SLC24A2: variants seen among roughly 807,000 people sequenced by gnomAD.
The protein encoded by SLC24A2 is sodium/potassium/calcium exchanger 2.
SLC24A2 carries 36 observed loss-of-function variants against 62.0 expected under a neutral mutation model. That is an observed-to-expected ratio of 0.58 (90% confidence interval 0.44 to 0.77). The LOEUF is 0.77. Among genes scored for constraint, SLC24A2 ranks in the 30% least tolerant of loss-of-function variants. SLC24A2 has a pLI of 0.00. For missense variants in SLC24A2, 846 were observed against 817.9 expected, an observed-to-expected ratio of 1.03 and a Z score of -0.42; for synonymous variants, 358 against 294.0, an observed-to-expected ratio of 1.22 and a Z score of -2.23.
the SLC24A2 span, among the ~76,000 whole-genome samples, chr9:20,057,944 G>A: frequency 1.3e-5 from 2 of 152,120 alleles, no homozygotes; most frequent in East Asian, 3.9e-4. Context: ...CTATTCCCAT[G>A]TTATTTTCCA....
the SLC24A2 span, among the ~76,000 whole-genome samples, chr9:19,949,386 G>C: frequency 6.6e-6 from 1 of 152,182 alleles, no homozygotes; most frequent in African/African-American, 2.4e-5. Context: ...GAACTCATGT[G>C]CAGGCCAGCA....
the SLC24A2 span, among the ~76,000 whole-genome samples, chr9:20,083,262 T>C: frequency 6.6e-6 from 1 of 152,230 alleles, no homozygotes; most frequent in African/African-American, 2.4e-5. Context: ...ACTTGCTCTT[T>C]GGGGCTCCAG....
chr9:20,024,486 G>A, the SLC24A2 span, among the ~76,000 whole-genome samples: 1 of 152,176 alleles, frequency 6.6e-6, no homozygotes, highest in Non-Finnish European at 1.5e-5. Flanking sequence ...TTTTGACAAG[G>A]CTTCCAAGCT....
the SLC24A2 span, among the ~76,000 whole-genome samples, chr9:19,801,937 C>A: frequency 1.3e-5 from 2 of 152,288 alleles, no homozygotes; most frequent in Non-Finnish European, 2.9e-5. Context: ...AATTCTCTTG[C>A]CCCTATAAGG....
chr9:19,864,420 C>T, the SLC24A2 span, among the ~76,000 whole-genome samples: 3 of 151,952 alleles, frequency 2.0e-5, no homozygotes, highest in African/African-American at 7.2e-5. Flanking sequence ...GTCAATGTAC[C>T]TGACGAATAT....
chr9:19,521,052 C>T lies in SLC24A2; in HGVS notation c.1578G>A (p.Glu526=). 3 of 1,614,042 alleles carry T rather than the reference C, an allele frequency of 1.9e-6. No individual in the cohort carries two copies. The highest frequency in any genetic ancestry group is 2.5e-6 in the Non-Finnish European group (3 of 1,179,952). Residue 526 remains glutamate (E), a synonymous_variant, in exon 10 of 11, where the codon GAG becomes GAA. Coordinates refer to ENST00000341998, the MANE Select transcript of SLC24A2 (RefSeq NM_020344.4). ...LMVWWAHQVG[E]TIGISEEIMG... is the part of the protein sequence containing the mutation. ...TAATCTCTTCACTGATGCCAATTGT[C>T]TCTCCAACCTAAATGTCAGGACAGG...
chr9:19,846,793 G>A, the SLC24A2 span, among the ~76,000 whole-genome samples: 1 of 152,134 alleles, frequency 6.6e-6, no homozygotes, highest in African/African-American at 2.4e-5. Flanking sequence ...TTGGGAGGCT[G>A]AGGCAGGAGG....
intron 8 of SLC24A2, among the ~76,000 whole-genome samples, chr9:19,540,558 T>G (rs951696672): frequency 5.4e-5 from 8 of 148,826 alleles, no homozygotes; most frequent in African/African-American, 1.8e-4. Context: ...GCTTGTAGGG[T>G]TTCTGCCGAG....
At chr9:19,920,153 A>G in the SLC24A2 span, among the ~76,000 whole-genome samples, 7 of 152,294 alleles carry the variant, frequency 4.6e-5, no homozygotes, top group African/African-American at 1.7e-4. Flanking sequence ...AGTTTCTGCT[A>G]AGAAAATTTA....
At chr9:19,885,010 T>C in the SLC24A2 span, among the ~76,000 whole-genome samples, 1 of 152,208 alleles carries the variant, frequency 6.6e-6, no homozygotes, top group Non-Finnish European at 1.5e-5. Flanking sequence ...GGACTGGCCA[T>C]ACAGGAGGAC....
chr9:20,089,636 G>T, the SLC24A2 span, among the ~76,000 whole-genome samples: 3 of 151,878 alleles, frequency 2.0e-5, no homozygotes, highest in Non-Finnish European at 4.4e-5. Flanking sequence ...CACTAGTAGT[G>T]TCCCAGAGTT....
At chr9:20,089,996 C>T in the SLC24A2 span, among the ~76,000 whole-genome samples, 1 of 152,110 alleles carries the variant, frequency 6.6e-6, no homozygotes, top group African/African-American at 2.4e-5. Context: ...ACAAAAAGCC[C>T]CTCTGCCCCT....
chr9:20,121,919 T>C, the SLC24A2 span, among the ~76,000 whole-genome samples: 2 of 152,210 alleles, frequency 1.3e-5, no homozygotes, highest in African/African-American at 4.8e-5. Context: ...ACACGTAGCA[T>C]GCATTATACA....
chr9:20,013,557 A>G, the SLC24A2 span, among the ~76,000 whole-genome samples: 6 of 152,366 alleles, frequency 3.9e-5, no homozygotes, highest in African/African-American at 1.4e-4. Context: ...GAAATTGACA[A>G]ATGAGATGGC....
In SLC24A2 at chr9:19,507,675, C is replaced by G. The variant is rs565609531; in HGVS notation, c.*8478G>C. On this transcript the variant is annotated 3_prime_UTR_variant, in exon 11 of 11. Transcript: ENST00000341998. ...GTAGAGCTTCCTGTCTATGTACAGA[C>G]ATATTCACAGAGAATAAACTGACAT... 3.3e-5 allele frequency: 5 copies of G among 152,320 alleles called. No individual in the cohort carries two copies. Among genetic ancestry groups the G allele is most frequent in the African/African-American group, 1.2e-4 (5 of 41,572 alleles). The allele number at this position is 152,320 out of a possible 1,614,324, so 9.4% of individuals were successfully genotyped here.
chr9:19,521,088 T>C, intron 9 of SLC24A2, 28 bp from the exon 10 acceptor site: 1 of 1,610,080 alleles, frequency 6.2e-7, no homozygotes, highest in Non-Finnish European at 8.5e-7. Context: ...AATAAACATC[T>C]CAGTGTTTGA....
At chr9:20,280,953 A>G in the SLC24A2 span, among the ~76,000 whole-genome samples, 1 of 152,148 alleles carries the variant, frequency 6.6e-6, no homozygotes, top group Admixed American at 6.6e-5. Context: ...GGAGGAACAA[A>G]TGGTCTCTCT....
chr9:20,207,004 C>G, the SLC24A2 span, among the ~76,000 whole-genome samples: 1 of 152,126 alleles, frequency 6.6e-6, no homozygotes, highest in Non-Finnish European at 1.5e-5. Context: ...TTACCCCCCT[C>G]ACATGATTAA....
the SLC24A2 span, among the ~76,000 whole-genome samples, chr9:19,808,321 A>G: frequency 6.6e-6 from 1 of 152,232 alleles, no homozygotes; most frequent in Admixed American, 6.5e-5. The surrounding 1 kb of genome is among the most constrained non-coding windows in gnomAD (Gnocchi z 4.1). Flanking sequence ...TTTAAAAGGC[A>G]TATGAGTAAT....
Sources: gnomAD v4.1 joint callset for allele counts (sites outside exome capture counted in the v4.1 genomes callset) on GRCh38, gnomAD v4.1.1 for gene constraint, Gnocchi (gnomAD v3.1) non-coding constraint, MANE v1.5 for transcripts, NCBI Gene and HGNC (gene_info 2026-07-23, HGNC 2026-07-21) for gene names.